Variants in ZNF385D observed in about 807,000 individuals in gnomAD.
ZNF385D encodes the protein zinc finger protein 385D, also known as zinc finger protein 659.
ZNF385D carries 15 observed loss-of-function variants against 35.8 expected under a neutral mutation model. The observed-to-expected ratio is 0.42, with a 90% CI of 0.28 to 0.64. The LOEUF is 0.64. ZNF385D is among the 30% of genes least tolerant of loss of function. The pLI is 0.23. For synonymous variants in ZNF385D, 212 were observed against 186.8 expected (o/e 1.13, Z -1.10); for missense variants, 474 against 494.6 (o/e 0.96, Z 0.39).
At chr3:21,818,580 C>G (rs773811235) in intron 3 of ZNF385D, among the ~76,000 whole-genome samples, 1 of 151,908 alleles carries the variant, frequency 6.6e-6, no homozygotes, top group Non-Finnish European at 1.5e-5. Context: ...AATATAATTA[C>G]TAGGATTTGC....
chr3:21,528,263 GA>G (rs374884736), intron 3 of ZNF385D, among the ~76,000 whole-genome samples: 4 of 151,074 alleles, frequency 2.6e-5, no homozygotes, highest in East Asian at 1.9e-4. Context: ...AAACTAAATA[GA>G]AAAAAAAATG....
chr3:22,268,328 T>A (rs1700998826), intron 2 of ZNF385D, among the ~76,000 whole-genome samples: 1 of 152,048 alleles, frequency 6.6e-6, no homozygotes, highest in Non-Finnish European at 1.5e-5. Flanking sequence ...TTGCAATAAA[T>A]GTACTTTCTT....
At chr3:21,930,702 G>A (rs977833999) in intron 3 of ZNF385D, among the ~76,000 whole-genome samples, 2 of 152,068 alleles carry the variant, frequency 1.3e-5, no homozygotes, top group Non-Finnish European at 2.9e-5. Flanking sequence ...TGACAATGAA[G>A]CCAAGGCAAG....
rs150160682 is a variant in ZNF385D at position 21,990,109 on chromosome 3, T to C, written c.325+178708A>G. Among the ~76,000 whole-genome samples, 945 of 152,350 alleles carry C rather than the reference T, an allele frequency of 6.2e-3. 10 individuals carry two copies. The highest frequency in any genetic ancestry group is 0.022 in the African/African-American group (905 of 41,594). On this transcript the variant is annotated intron_variant, in intron 3 of 5. Coordinates refer to the ZNF385D transcript ENST00000494108. Reference sequence around the variant, plus strand: ...GTTTCACAGGGCCTTTGTCAAATTATCTTTTAAAAAAATTTTTGTGAGGCT... The same window carrying C: ...GTTTCACAGGGCCTTTGTCAAATTACCTTTTAAAAAAATTTTTGTGAGGCT...
At chr3:22,117,247 T>C (rs1209288307) in intron 3 of ZNF385D, among the ~76,000 whole-genome samples, 1 of 151,996 alleles carries the variant, frequency 6.6e-6, no homozygotes, top group Admixed American at 6.6e-5. Context: ...GGATTTGGGC[T>C]CCCTAGGGGA....
rs143160454 is a variant in ZNF385D, at chr3:21,538,598, G to T, written c.276+25976C>A. On this transcript the variant is annotated intron_variant, in intron 3 of 7. Coordinates refer to ENST00000281523, the MANE Select transcript of ZNF385D (RefSeq NM_024697.3). Reference sequence around the variant, plus strand: ...TAGCAACTTGTTTCAAGTTAGAGGAGATGGCAGGGTCAAAATTTTAGAAAC... The same window carrying T: ...TAGCAACTTGTTTCAAGTTAGAGGATATGGCAGGGTCAAAATTTTAGAAAC... Among the ~76,000 whole-genome samples the T allele has an allele frequency of 5.9e-5, 9 of 152,150 alleles. No individual in the cohort carries two copies. The East Asian group carries it at 1.7e-3, about 29-fold the overall frequency.
At chr3:22,039,307 C>A (rs1056786785) in intron 3 of ZNF385D, among the ~76,000 whole-genome samples, 4 of 149,182 alleles carry the variant, frequency 2.7e-5, no homozygotes, top group South Asian at 2.1e-4. Context: ...TTGTTAGGGG[C>A]AGATGGCATG....
At chr3:22,159,054 C>T (rs374664880) in intron 3 of ZNF385D, among the ~76,000 whole-genome samples, 36 of 151,336 alleles carry the variant, frequency 2.4e-4, no homozygotes, top group African/African-American at 7.3e-4. Context: ...TGTCGGTGGA[C>T]GTGATTAGTA....
At chr3:21,640,157 TG>T (rs2125855859) in intron 2 of ZNF385D, among the ~76,000 whole-genome samples, 1 of 152,214 alleles carries the variant, frequency 6.6e-6, no homozygotes, top group East Asian at 1.9e-4. Context: ...CTCTGTGCTG[TG>T]AGAGCTTCAC....
intron 2 of ZNF385D, among the ~76,000 whole-genome samples, chr3:22,344,185 T>TGTGTGTGTGG (rs1196973164): frequency 1.3e-5 from 2 of 151,396 alleles, no homozygotes. Flanking sequence ...GGGGTGTGTG[T>TGTGTGTGTGG]GTGTGTGTGT....
chr3:21,724,496 A>ACCC (rs1559554500), intron 1 of ZNF385D, among the ~76,000 whole-genome samples: 1,028 of 89,876 alleles, frequency 0.011, 22 homozygotes, highest in Non-Finnish European at 0.02. Flanking sequence ...AAAAAAAAAA[A>ACCC]AAAAAAAAAA....
intron 3 of ZNF385D, among the ~76,000 whole-genome samples, chr3:21,861,784 T>G (rs1697067643): frequency 6.6e-6 from 1 of 152,124 alleles, no homozygotes. Flanking sequence ...TCAGGGCAAT[T>G]TCATCTCTCT....
chr3:21,721,309 A>G (rs1005860579), intron 1 of ZNF385D, among the ~76,000 whole-genome samples: 1 of 151,946 alleles, frequency 6.6e-6, no homozygotes, highest in Non-Finnish European at 1.5e-5. Flanking sequence ...TGAGATAAGA[A>G]TATTGATGGA....
upstream of ZNF385D, chr3:21,751,551 A>C: frequency 1.7e-6 from 1 of 576,076 alleles, no homozygotes. Flanking sequence ...TCCTCTACCA[A>C]GTTAAAACGG....
intron 3 of ZNF385D, among the ~76,000 whole-genome samples, chr3:21,821,453 A>T (rs934889464): frequency 6.6e-6 from 1 of 152,248 alleles, no homozygotes; most frequent in Admixed American, 6.5e-5. Flanking sequence ...CATGATACTT[A>T]GAATTAAAAA....
At chr3:22,093,443 G>T (rs1701434400) in intron 3 of ZNF385D, among the ~76,000 whole-genome samples, 1 of 151,668 alleles carries the variant, frequency 6.6e-6, no homozygotes, top group African/African-American at 2.4e-5. Flanking sequence ...AAAAGTTAAA[G>T]GAAATCAAAG....
chr3:22,106,634 C>G (rs1235128114), intron 3 of ZNF385D, among the ~76,000 whole-genome samples: 1 of 152,140 alleles, frequency 6.6e-6, no homozygotes, highest in African/African-American at 2.4e-5. Context: ...TCCAGAAAGC[C>G]AAGCCGTCAA....
chr3:22,036,759 C>G (rs1426835397), intron 3 of ZNF385D, among the ~76,000 whole-genome samples: 2 of 148,580 alleles, frequency 1.3e-5, no homozygotes, highest in Non-Finnish European at 3.0e-5. Context: ...ATGTGCACAA[C>G]GTGCAAGTTT....
intron 2 of ZNF385D, among the ~76,000 whole-genome samples, chr3:22,312,267 TA>T (rs1417283209): frequency 6.6e-6 from 1 of 152,132 alleles, no homozygotes; most frequent in East Asian, 1.9e-4. Flanking sequence ...AATCTGTGAG[TA>T]AAAATTCAAT....
Sources: gnomAD v4.1 joint callset for allele counts (sites outside exome capture counted in the v4.1 genomes callset) on GRCh38, gnomAD v4.1.1 for gene constraint, MANE v1.5 for transcripts, NCBI Gene and HGNC (gene_info 2026-07-23, HGNC 2026-07-21) for gene names.